The following GALNTL6 variants were observed in gnomAD, a reference collection of about 807,000 sequenced individuals.
The protein encoded by GALNTL6 is polypeptide N-acetylgalactosaminyltransferase like 6, also known as polypeptide N-acetylgalactosaminyltransferase-like 6.
Under a neutral mutation model 73.7 loss-of-function variants are expected in GALNTL6, and 46 were observed. The observed-to-expected ratio is 0.62, with a 90% CI of 0.49 to 0.80. The LOEUF (loss-of-function observed/expected upper bound fraction) is 0.80, where lower values mean the gene tolerates loss of function less well. GALNTL6 is among the 30% of genes least tolerant of loss of function. The pLI, the probability that GALNTL6 is intolerant of heterozygous loss-of-function variation, is 0.00. For synonymous variants in GALNTL6, 259 were observed against 263.7 expected (o/e 0.98, Z 0.17); for missense variants, 604 against 755.0 (o/e 0.80, Z 2.34).
chr4:172,016,996 C>T (rs1366041191), intron 2 of GALNTL6, among the ~76,000 whole-genome samples: 1 of 152,020 alleles, frequency 6.6e-6, no homozygotes, highest in Non-Finnish European at 1.5e-5. Context: ...AGAGTGTACA[C>T]TTTATTTATT....
intron 5 of GALNTL6, among the ~76,000 whole-genome samples, chr4:172,513,891 GT>G (rs1734513966): frequency 2.0e-5 from 3 of 152,198 alleles, no homozygotes; most frequent in Admixed American, 2.0e-4. Context: ...TATGCTGGTT[GT>G]GCTGGCAGTA....
chr4:172,567,490 A>G (rs1178540760), intron 5 of GALNTL6, among the ~76,000 whole-genome samples: 3 of 152,202 alleles, frequency 2.0e-5, no homozygotes, highest in Non-Finnish European at 1.5e-5. Context: ...GACGAGAACC[A>G]GCAAACATAT....
intron 2 of GALNTL6, among the ~76,000 whole-genome samples, chr4:171,871,045 A>T (rs1052215861): frequency 1.3e-5 from 2 of 152,210 alleles, no homozygotes; most frequent in African/African-American, 4.8e-5. Context: ...ACAATTAAAA[A>T]TAAAACTAAT....
intron 5 of GALNTL6, chr4:172,667,265 G>A (rs903537761): frequency 6.6e-6 from 1 of 152,300 alleles, no homozygotes; most frequent in African/African-American, 2.4e-5. Context: ...ACCTGTGTTA[G>A]GAGCTCCCTG....
chr4:172,372,913 A>G (rs945294859), intron 5 of GALNTL6, among the ~76,000 whole-genome samples: 1 of 152,306 alleles, frequency 6.6e-6, no homozygotes, highest in African/African-American at 2.4e-5. Context: ...TTCCTTGCTG[A>G]GGGCCCTGGT....
At chr4:171,823,538 AATAGTCT>A (rs1166827077) in intron 2 of GALNTL6, among the ~76,000 whole-genome samples, 1 of 149,888 alleles carries the variant, frequency 6.7e-6, no homozygotes, top group African/African-American at 2.4e-5. Context: ...AAATTTCTGA[AATAGTCT>A]ATAAACTGTG....
chr4:172,837,095 G>C (rs1372312618), intron 7 of GALNTL6, among the ~76,000 whole-genome samples: 1 of 152,140 alleles, frequency 6.6e-6, no homozygotes, highest in Non-Finnish European at 1.5e-5. Flanking sequence ...AGTTATCTAT[G>C]TGCCAAAAAC....
chr4:172,774,397 G>C (rs1738953642), intron 5 of GALNTL6, among the ~76,000 whole-genome samples: 1 of 152,086 alleles, frequency 6.6e-6, no homozygotes. Context: ...AGTTAATAAT[G>C]AGCTGTCCTT....
chr4:171,958,093 T>A (rs545376020), intron 2 of GALNTL6, among the ~76,000 whole-genome samples: 1 of 152,344 alleles, frequency 6.6e-6, no homozygotes, highest in East Asian at 1.9e-4. Context: ...AAAATGTACA[T>A]ATACGTTAGA....
chr4:172,542,659 A>G (rs1735603150), intron 5 of GALNTL6, among the ~76,000 whole-genome samples: 1 of 152,124 alleles, frequency 6.6e-6, no homozygotes, highest in Admixed American at 6.5e-5. Context: ...CCTGCCTATC[A>G]TGGCGAGAAC....
intron 4 of GALNTL6, among the ~76,000 whole-genome samples, chr4:172,312,748 GT>G (rs1435700230): frequency 6.6e-6 from 1 of 152,098 alleles, no homozygotes; most frequent in Non-Finnish European, 1.5e-5. Context: ...GTACATTATG[GT>G]TTGAAGGACT....
chr4:172,251,774 G>A (rs1237017039), intron 3 of GALNTL6, among the ~76,000 whole-genome samples: 3 of 152,102 alleles, frequency 2.0e-5, no homozygotes, highest in African/African-American at 4.8e-5. Flanking sequence ...GCCAGAGAGA[G>A]GAATACTAGA....
rs1753854290 is a variant in GALNTL6, at chr4:173,040,340, G to A, written c.*240G>A. ...CTAGCAGTTCCCTTGCTGGCCAAGG[G>A]CAAAGATAATTTAGGGACTTTTCAA... is the stretch of plus-strand genomic sequence containing the variant. On this transcript the variant is annotated 3_prime_UTR_variant, in exon 13 of 13. Coordinates refer to ENST00000506823, the MANE Select transcript of GALNTL6 (RefSeq NM_001034845.3). The A allele has an allele frequency of 6.2e-6, 3 of 485,554 alleles. No homozygotes were observed. Among genetic ancestry groups the A allele is most frequent in the East Asian group, 7.3e-5 (2 of 27,426 alleles). 30.1% of individuals were successfully genotyped at this position (485,554 alleles called of 1,614,324 possible). A position where few individuals can be genotyped will look rare whatever the true frequency, so the allele number is the denominator to read the frequency against.
chr4:172,022,310 A>G (rs1353370693), intron 2 of GALNTL6, among the ~76,000 whole-genome samples: 1 of 152,064 alleles, frequency 6.6e-6, no homozygotes, highest in Admixed American at 6.6e-5. Context: ...GTAATTGACA[A>G]TCTTAGTTTA....
At chr4:172,258,110 T>C (rs964239756) in intron 3 of GALNTL6, among the ~76,000 whole-genome samples, 2 of 151,314 alleles carry the variant, frequency 1.3e-5, no homozygotes, top group Non-Finnish European at 3.0e-5. Context: ...TTTCCTTGCC[T>C]CGGGAATATA....
chr4:172,611,200 G>T (rs1738513594), intron 5 of GALNTL6, among the ~76,000 whole-genome samples: 1 of 152,130 alleles, frequency 6.6e-6, no homozygotes, highest in Admixed American at 6.6e-5. Context: ...ATATTGATAT[G>T]TGCAGATTTG....
At chr4:171,945,632 ATAAAGAAT>A (rs559161704) in intron 2 of GALNTL6, among the ~76,000 whole-genome samples, 230 of 152,286 alleles carry the variant, frequency 1.5e-3, no homozygotes, top group Middle Eastern at 3.4e-3. Flanking sequence ...CTTTCTGCTC[ATAAAGAAT>A]TTAAAATAAT....
intron 2 of GALNTL6, among the ~76,000 whole-genome samples, chr4:171,857,138 C>T (rs1032744467): frequency 3.9e-5 from 6 of 151,964 alleles, no homozygotes; most frequent in African/African-American, 9.7e-5. Context: ...TGTATAGTAA[C>T]ATATTCATGT....
intron 2 of GALNTL6, among the ~76,000 whole-genome samples, chr4:172,021,214 A>G (rs1560888344): frequency 6.6e-6 from 1 of 152,028 alleles, no homozygotes; most frequent in Non-Finnish European, 1.5e-5. Flanking sequence ...TTTATCTAAG[A>G]TCTGGAACAT....
Sources: allele counts gnomAD v4.1 joint callset (sites outside exome capture counted in the v4.1 genomes callset), GRCh38; gene constraint gnomAD v4.1.1; transcripts MANE v1.5; gene names NCBI Gene and HGNC (gene_info 2026-07-23, HGNC 2026-07-21).